Variants in MYO3B observed in about 807,000 individuals in gnomAD.
The protein encoded by MYO3B is myosin-IIIb.
In MYO3B, 156 loss-of-function variants were observed where a neutral mutation model predicts 174.6. That is an observed-to-expected ratio of 0.89 (90% CI 0.78 to 1.02). MYO3B has a LOEUF of 1.02. Among genes scored for constraint, MYO3B ranks in the 50% least tolerant of loss-of-function variants. MYO3B has a pLI of 0.00. For missense variants in MYO3B, 1,632 were observed against 1,639.4 expected (o/e 1.00, Z 0.08); for synonymous variants, 563 against 569.1 (o/e 0.99, Z 0.15).
At chr2:170,548,061 C>T (rs1575147977) in intron 32 of MYO3B, among the ~76,000 whole-genome samples, 1 of 123,612 alleles carries the variant, frequency 8.1e-6, no homozygotes, top group South Asian at 2.7e-4. Context: ...GAGCCAAGAT[C>T]GCGCCACTGC....
intron 32 of MYO3B, among the ~76,000 whole-genome samples, chr2:170,615,449 A>G (rs923987697): frequency 1.3e-5 from 2 of 152,270 alleles, no homozygotes; most frequent in African/African-American, 2.4e-5. Context: ...GGGAATGGCC[A>G]GTGCCAAGGT....
chr2:170,390,492 A>T (rs1175424876), intron 14 of MYO3B, among the ~76,000 whole-genome samples: 1 of 152,260 alleles, frequency 6.6e-6, no homozygotes, highest in Non-Finnish European at 1.5e-5. Context: ...CATCTAGAAT[A>T]CAGGGCAGGG....
intron 7 of MYO3B, among the ~76,000 whole-genome samples, chr2:170,308,244 T>C (rs1204655471): frequency 2.0e-5 from 3 of 152,220 alleles, no homozygotes; most frequent in Non-Finnish European, 4.4e-5. Flanking sequence ...TCTAGCAACA[T>C]TGCAAAAGGA....
At chr2:170,386,125 A>G (rs2094372354) in intron 12 of MYO3B, 64 bp from the exon 13 acceptor site, 1 of 1,343,354 alleles carries the variant, frequency 7.4e-7, no homozygotes, top group Admixed American at 1.7e-5. Flanking sequence ...TGGATGTTAT[A>G]TGAAGCATGC....
At chr2:170,304,952 A>G (rs960689860) in intron 7 of MYO3B, among the ~76,000 whole-genome samples, 5 of 150,876 alleles carry the variant, frequency 3.3e-5, no homozygotes, top group East Asian at 1.9e-4. Context: ...AAATCTGTCA[A>G]TTTTTCCCTT....
At chr2:170,369,520 C>A in intron 9 of MYO3B, 143 bp downstream of exon 9, 2 of 892,854 alleles carry the variant, frequency 2.2e-6, no homozygotes, top group Non-Finnish European at 3.3e-6. Flanking sequence ...TTAAGTACTC[C>A]ATGCCCAGTG....
chr2:170,329,247 GTGTGTGTGTGTGTA>G (rs1227390535), intron 7 of MYO3B, among the ~76,000 whole-genome samples: 2 of 146,842 alleles, frequency 1.4e-5, no homozygotes, highest in Non-Finnish European at 1.5e-5. Flanking sequence ...GTGTGTGTGT[GTGTGTGTGTGTGTA>G]TATATATAAA....
At chr2:170,233,987 C>T (rs2355346) in intron 6 of MYO3B, among the ~76,000 whole-genome samples, 82,613 of 150,686 alleles carry the variant, frequency 0.55, 22,906 homozygotes, top group Middle Eastern at 0.64. Flanking sequence ...CCGGCTATAA[C>T]GGTGAAACCC....
intron 3 of MYO3B, among the ~76,000 whole-genome samples, chr2:170,213,323 C>A (rs1037650174): frequency 2.0e-5 from 3 of 152,140 alleles, no homozygotes; most frequent in Non-Finnish European, 2.9e-5. Flanking sequence ...GCTCACAACT[C>A]TAAGGGGGTC....
intron 32 of MYO3B, among the ~76,000 whole-genome samples, chr2:170,581,239 C>T (rs542104296): frequency 3.9e-5 from 6 of 152,090 alleles, no homozygotes; most frequent in Admixed American, 6.6e-5. Flanking sequence ...TGACATATCG[C>T]TTTTTTTGCT....
intron 28 of MYO3B, among the ~76,000 whole-genome samples, chr2:170,508,981 C>T (rs946458428): frequency 6.6e-6 from 1 of 151,656 alleles, no homozygotes; most frequent in Non-Finnish European, 1.5e-5. Flanking sequence ...TTACTTCCCT[C>T]TCTGTACTCC....
At chr2:170,269,732 C>A (rs11684362) in intron 7 of MYO3B, among the ~76,000 whole-genome samples, 4,756 of 152,234 alleles carry the variant, frequency 0.031, 94 homozygotes, top group Middle Eastern at 0.048. Context: ...TATATAAATT[C>A]TGTGGAATAA....
chr2:170,369,818 A>G (rs2094226822), intron 9 of MYO3B, among the ~76,000 whole-genome samples: 1 of 152,158 alleles, frequency 6.6e-6, no homozygotes, highest in Non-Finnish European at 1.5e-5. Context: ...TTTTGGAAAG[A>G]TTATGAGCTA....
intron 7 of MYO3B, among the ~76,000 whole-genome samples, chr2:170,304,014 C>G (rs931823590): frequency 6.6e-6 from 1 of 152,146 alleles, no homozygotes; most frequent in Non-Finnish European, 1.5e-5. Context: ...ATATATTTAA[C>G]TATGCCCTTA....
At position 170,466,643 on chromosome 2, in the gene MYO3B, T is replaced by A. The variant is rs1327636064; in HGVS notation, c.2946T>A (p.Ile982=). ...TGGCCCAGCTCCGCTCCACAGGGAT[T>A]CTGGAGACAGTCAGCATCCGCCGCC... The part of the protein sequence containing the change: ...RVLAQLRSTG[I]LETVSIRRQG... Residue 982 remains isoleucine (I), a synonymous_variant, in exon 25 of 35, where the codon ATT becomes ATA. Coordinates refer to ENST00000408978, the MANE Select transcript of MYO3B (RefSeq NM_138995.5). 3.7e-6 allele frequency: 6 copies of A among 1,614,242 alleles called. No individual in the cohort carries two copies. The highest frequency in any genetic ancestry group is 5.1e-6 in the Non-Finnish European group (6 of 1,180,048).
chr2:170,589,776 T>A (rs1486613397), intron 32 of MYO3B, among the ~76,000 whole-genome samples: 1 of 152,206 alleles, frequency 6.6e-6, no homozygotes, highest in African/African-American at 2.4e-5. Flanking sequence ...TAGTGTAGTC[T>A]AAGTGTATAG....
intron 5 of MYO3B, among the ~76,000 whole-genome samples, chr2:170,215,265 G>A (rs1383105219): frequency 6.6e-6 from 1 of 152,190 alleles, no homozygotes; most frequent in Non-Finnish European, 1.5e-5. Context: ...CTCTGGGCCT[G>A]GGAGCTAACA....
At position 170,392,401 on chromosome 2, in the gene MYO3B, G is replaced by A; in HGVS notation, c.1697G>A (p.Gly566Glu). 5.0e-6 allele frequency: 8 copies of A among 1,599,366 alleles called. No homozygotes were observed. In the South Asian group the frequency reaches 9.1e-5, roughly 18 times the overall value. ...KPPRYIADET[G>E]RVMHDITSKE... ...TTTAGGTACATAGCTGATGAAACTG[G>A]AAGGGTGATGCACGACATAACTTCC... The change falls in exon 16 of 35, where the codon GGA becomes GAA. Residue 566 changes from glycine to glutamate, a missense_variant. Physicochemically the swap from Gly to Glu is moderately conservative, Grantham distance 98. Coordinates refer to ENST00000408978, the MANE Select transcript of MYO3B (RefSeq NM_138995.5).
intron 12 of MYO3B, among the ~76,000 whole-genome samples, chr2:170,384,761 A>G (rs975521487): frequency 6.6e-6 from 1 of 152,062 alleles, no homozygotes; most frequent in African/African-American, 2.4e-5. Context: ...TCTGACACCA[A>G]ATGTTGTATT....
Sources: gnomAD v4.1 joint callset for allele counts (sites outside exome capture counted in the v4.1 genomes callset) on GRCh38, gnomAD v4.1.1 for gene constraint, MANE v1.5 for transcripts, NCBI Gene and HGNC (gene_info 2026-07-23, HGNC 2026-07-21) for gene names.